The following LSS variants were observed in gnomAD, a reference collection of about 807,000 sequenced individuals.
LSS encodes the protein 2,3-epoxysqualene-lanosterol cyclase.
Under a neutral mutation model 110.3 loss-of-function variants are expected in LSS, and 90 were observed. That is an observed-to-expected ratio of 0.82 (90% CI 0.69 to 0.97). The LOEUF is 0.97. LSS is among the 50% of genes least tolerant of loss of function. The probability of loss-of-function intolerance (pLI) is 0.00; values close to 1 mark genes in which losing one functional copy is unlikely to be tolerated. For missense variants in LSS, 927 were observed against 990.0 expected (o/e 0.94, Z 0.85); for synonymous variants, 433 against 400.0 (o/e 1.08, Z -0.98).
intron 20 of LSS, chr21:46,192,212 T>C: frequency 1.7e-6 from 1 of 578,176 alleles, no homozygotes; most frequent in South Asian, 2.0e-5. Context: ...AGGCCTGCCC[T>C]GGTGTTCCCC....
rs1054026880 is a variant in LSS at position 46,209,329 on chromosome 21, C to T, written c.1266+225G>A. On this transcript the variant is annotated intron_variant, in intron 13 of 21. Transcript: ENST00000397728. The surrounding 1 kb of genome is among the most constrained non-coding windows in gnomAD (Gnocchi z 4.4). ...GCAGGACGCAGAAACTGCCAGCACC[C>T]CCAGCACCCTGCAGGCCTCAGAGAG... Among the ~76,000 whole-genome samples the T allele has an allele frequency of 2.0e-5, 3 of 152,144 alleles. No individual in the cohort carries two copies. The highest frequency in any genetic ancestry group is 4.4e-5 in the Non-Finnish European group (3 of 68,010).
chr21:46,201,586 T>C (rs184914016), intron 17 of LSS, among the ~76,000 whole-genome samples: 11 of 152,116 alleles, frequency 7.2e-5, no homozygotes, highest in Admixed American at 2.0e-4. Flanking sequence ...GGAGGACAGG[T>C]CATGAAGCCC....
At position 46,210,703 on chromosome 21, in the gene LSS, G is replaced by A; in HGVS notation, c.1179C>T (p.Ile393=). 1 of 1,614,060 alleles carries A rather than the reference G, an allele frequency of 6.2e-7. No homozygotes were observed. The highest frequency in any genetic ancestry group is 8.5e-7 in the Non-Finnish European group (1 of 1,180,032). The change falls in exon 12 of 22, where the codon ATC becomes ATT. Residue 393 remains isoleucine, a synonymous_variant. Transcript: ENST00000397728. ...AGCCACGAACCTCAAGCAGAGCCTG[G>A]ATGGCGAATGCGGTGTCCCAGATCT... ...GSQIWDTAFA[I]QALLEAGGHH...
At chr21:46,195,445 T>A (rs1477344859) in intron 19 of LSS, among the ~76,000 whole-genome samples, 2 of 152,158 alleles carry the variant, frequency 1.3e-5, no homozygotes, top group Admixed American at 1.3e-4. Context: ...GGTGGTGGCG[T>A]GCACCTGTGA....
Position 46,216,974 on chromosome 21 carries a change from C to T in LSS, c.648-450G>A, listed in dbSNP as rs932832353. Among the ~76,000 whole-genome samples the T allele has an allele frequency of 2.0e-5, 3 of 152,082 alleles. No homozygotes were observed. The highest frequency in any genetic ancestry group is 6.5e-5 in the Admixed American group (1 of 15,274). ...TATTTAAGAAACTTTAGGAGGGGCA[C>T]GGTGGCTCACGCCTGTAACCCTAGC... On this transcript the variant is annotated intron_variant, in intron 6 of 21. Transcript: ENST00000397728. The surrounding 1 kb of genome is among the most constrained non-coding windows in gnomAD (Gnocchi z 4.2).
chr21:46,228,302 C>T (rs2080381294), intron 2 of LSS, 132 bp downstream of exon 2: 1 of 1,031,240 alleles, frequency 9.7e-7, no homozygotes, highest in East Asian at 2.7e-5. Flanking sequence ...AACGCAGTTC[C>T]CGTGGGCGCT....
chr21:46,217,909 C>T (rs2080227438), intron 6 of LSS, among the ~76,000 whole-genome samples: 2 of 152,178 alleles, frequency 1.3e-5, no homozygotes, highest in African/African-American at 4.8e-5. Context: ...CCTCAGGTAG[C>T]GGCACCCTAA....
At chr21:46,202,451 T>C (rs1164456002) in intron 17 of LSS, among the ~76,000 whole-genome samples, 1 of 151,722 alleles carries the variant, frequency 6.6e-6, no homozygotes, top group Non-Finnish European at 1.5e-5. Context: ...CTAATATATT[T>C]AACCATTTAA....
intron 3 of LSS, chr21:46,225,491 C>T: frequency 2.3e-6 from 1 of 434,444 alleles, no homozygotes; most frequent in Non-Finnish European, 4.6e-6. Flanking sequence ...AGACTCTACT[C>T]CTCCACCTCT....
Position 46,209,611 on chromosome 21 carries a change from G to A in LSS, c.1209C>T (p.His403=), listed in dbSNP as rs1161370259. The A allele has an allele frequency of 2.5e-6, 4 of 1,593,746 alleles. No homozygotes were observed. The highest frequency in any genetic ancestry group is 1.7e-6 in the Non-Finnish European group (2 of 1,171,586). ...IQALLEAGGH[H]RPEFSSCLQK... ...GCAGGCAGGACGAAAACTCGGGCCT[G>A]TGGTGCCCGCCCGCCTGGAAGAGAC... Residue 403 remains histidine (H), a synonymous_variant, in exon 13 of 22, where the codon CAC becomes CAT. Coordinates refer to ENST00000397728, the MANE Select transcript of LSS (RefSeq NM_002340.6). The surrounding 1 kb of genome is among the most constrained non-coding windows in gnomAD (Gnocchi z 4.4).
Position 46,221,857 on chromosome 21 carries a change from T to C in LSS, c.547A>G (p.Lys183Glu), listed in dbSNP as rs1175369956. 1 of 1,614,092 alleles carries C rather than the reference T, an allele frequency of 6.2e-7. No individual in the cohort carries two copies. The highest frequency in any genetic ancestry group is 1.1e-5 in the South Asian group (1 of 91,080). The change falls in exon 5 of 22, where the codon AAA becomes GAA. Residue 183 changes from lysine (K) to glutamate (E), a missense_variant. Coordinates refer to ENST00000397728, the MANE Select transcript of LSS (RefSeq NM_002340.6). ...LVRARNILHK[K>E]GGAVAIPSWG... is the part of the protein sequence containing the mutation. Reference sequence around the variant, plus strand: ...GCACATGCTGCACATGCCGTACCTTTCTTGTGAAGAATGTTCCGGGCTCGT... The same window carrying C: ...GCACATGCTGCACATGCCGTACCTTCCTTGTGAAGAATGTTCCGGGCTCGT...
Position 46,216,107 on chromosome 21 carries a change from G to C in LSS, c.783+282C>G, listed in dbSNP as rs975473725. Among the ~76,000 whole-genome samples the C allele has an allele frequency of 1.3e-5, 2 of 152,130 alleles. No individual in the cohort carries two copies. Among genetic ancestry groups the C allele is most frequent in the African/African-American group, 4.8e-5 (2 of 41,430 alleles). ...ACCTCGCCTCAGGCCTGCTTCCAGA[G>C]GACACAGTGCACATCTGCCTCCTGC... On this transcript the variant is annotated intron_variant, in intron 7 of 21. Coordinates refer to ENST00000397728, the MANE Select transcript of LSS (RefSeq NM_002340.6). This position sits in a 1 kb window ranked among gnomAD's most constrained non-coding sequence, Gnocchi z 4.2.
At chr21:46,218,077 C>T (rs1441637849) in intron 6 of LSS, among the ~76,000 whole-genome samples, 1 of 151,800 alleles carries the variant, frequency 6.6e-6, no homozygotes, top group Non-Finnish European at 1.5e-5. Flanking sequence ...CCTTCACTTC[C>T]TGCCTCCCCT....
chr21:46,192,143 C>G (rs1290681058), intron 20 of LSS, 184 bp from the exon 21 acceptor site: 1 of 626,190 alleles, frequency 1.6e-6, no homozygotes, highest in Non-Finnish European at 2.9e-6. Context: ...ACACCTTCTT[C>G]CTAGGCTCCC....
rs774389558 is a variant in LSS at position 46,222,770 on chromosome 21, G to A, written c.320-32C>T. 8 of 1,547,876 alleles carry A rather than the reference G, an allele frequency of 5.2e-6. No homozygotes were observed. In the Admixed American group the frequency reaches 1.2e-4, roughly 23 times the overall value. On this transcript the variant is annotated intron_variant, in intron 3 of 21. Transcript: ENST00000397728. ...GGCAGGAGAGATGTTCCTCACTGGGGACAGGTGGTCATGACTGCTAAGACC... is the reference window on the plus strand; with the variant it reads ...GGCAGGAGAGATGTTCCTCACTGGGAACAGGTGGTCATGACTGCTAAGACC...
At position 46,206,791 on chromosome 21, in the gene LSS, A is replaced by C. The variant is rs1243877745; in HGVS notation, c.1468-23T>G. ...CAGCTGAAATCACAGAGAGCACCCT[A>C]GAACTCGCCCATGTGCTGAGCACAC... On this transcript the variant is annotated intron_variant, in intron 15 of 21. Transcript: ENST00000397728. 1.9e-6 allele frequency: 3 copies of C among 1,586,836 alleles called. No individual in the cohort carries two copies. In the African/African-American group the frequency reaches 4.0e-5, roughly 21 times the overall value.
chr21:46,211,929 G>C (rs1362453052), intron 11 of LSS, among the ~76,000 whole-genome samples: 1 of 152,204 alleles, frequency 6.6e-6, no homozygotes, highest in African/African-American at 2.4e-5. Context: ...CACAACGTGA[G>C]GACTACACTC....
At chr21:46,217,090 T>C (rs919666439) in intron 6 of LSS, among the ~76,000 whole-genome samples, 5 of 151,644 alleles carry the variant, frequency 3.3e-5, no homozygotes, top group Admixed American at 2.0e-4. Context: ...CTACTAAAAA[T>C]ACAAAAATAA....
chr21:46,207,422 C>T lies in LSS; in HGVS notation c.1467+6G>A, dbSNP rs769907349. ...ATGGACGGGGCTGCTGGGACCACAG[C>T]CTTACCACAGCCACAGCATCGCAGA... On this transcript the variant is annotated splice_donor_region_variant and intron_variant, in intron 15 of 21. Transcript: ENST00000397728. 69 of 1,611,204 alleles carry T rather than the reference C, an allele frequency of 4.3e-5. No homozygotes were observed. Among genetic ancestry groups the T allele is most frequent in the Non-Finnish European group, 5.2e-5 (61 of 1,179,344 alleles).
Sources: gnomAD v4.1 joint callset for allele counts (sites outside exome capture counted in the v4.1 genomes callset) on GRCh38, gnomAD v4.1.1 for gene constraint, Gnocchi (gnomAD v3.1) non-coding constraint, MANE v1.5 for transcripts, NCBI Gene and HGNC (gene_info 2026-07-23, HGNC 2026-07-21) for gene names.